The following MAP2 variants were observed in gnomAD, a reference collection of about 807,000 sequenced individuals.
MAP2 encodes the protein microtubule-associated protein 2.
In MAP2, 14 loss-of-function variants were observed where a neutral mutation model predicts 137.6. That is an observed-to-expected ratio of 0.10 (90% CI 0.07 to 0.16). MAP2 has a LOEUF of 0.16. MAP2 is among the 10% of genes least tolerant of loss of function. The pLI is 1.00. For missense variants in MAP2, 2,088 were observed against 2,191.5 expected, an observed-to-expected ratio of 0.95 and a Z score of 0.94; for synonymous variants, 786 against 782.3, an observed-to-expected ratio of 1.00 and a Z score of -0.08.
At chr2:209,612,354 G>A (rs755006326) in intron 3 of MAP2, among the ~76,000 whole-genome samples, 2 of 152,050 alleles carry the variant, frequency 1.3e-5, no homozygotes, top group Non-Finnish European at 2.9e-5. Flanking sequence ...GAAGTCAGGG[G>A]TTAAAAACAT....
intron 2 of MAP2, among the ~76,000 whole-genome samples, chr2:209,550,387 A>G (rs1056252680): frequency 6.6e-6 from 1 of 152,178 alleles, no homozygotes; most frequent in African/African-American, 2.4e-5. Context: ...TTAGTAGTAA[A>G]GAGTCATGAG....
intron 1 of MAP2, among the ~76,000 whole-genome samples, chr2:209,487,039 T>A (rs748089940): frequency 6.6e-6 from 1 of 152,242 alleles, no homozygotes; most frequent in Non-Finnish European, 1.5e-5. Flanking sequence ...GTCCCTTTTA[T>A]GTAACATGAA....
At position 209,733,456 on chromosome 2, in the gene MAP2, T is replaced by G. The variant is rs974443230; in HGVS notation, c.*3059T>G. 3.4e-4 allele frequency: 20 copies of G among 58,900 alleles called. No homozygotes were observed. The highest frequency in any genetic ancestry group is 1.2e-3 in the African/African-American group (19 of 16,274). The allele number at this position is 58,900 out of a possible 1,614,324, so 3.6% of individuals were successfully genotyped here. A position where few individuals can be genotyped will look rare whatever the true frequency, so the allele number is the denominator to read the frequency against. The stretch of plus-strand genomic sequence containing the variant: ...GAAGAATGTACTGATTGTAGTGACC[T>G]TCTCCACACACACACACACACACAC... On this transcript the variant is annotated 3_prime_UTR_variant, in exon 16 of 16. Transcript: ENST00000682079.
chr2:209,575,337 C>G (rs1016297453), intron 2 of MAP2, among the ~76,000 whole-genome samples: 2 of 151,722 alleles, frequency 1.3e-5, no homozygotes, highest in Non-Finnish European at 1.5e-5. Flanking sequence ...CTGGCTAACA[C>G]AGTGAAACCC....
At chr2:209,658,108 A>G (rs910529999) in intron 5 of MAP2, among the ~76,000 whole-genome samples, 1 of 152,214 alleles carries the variant, frequency 6.6e-6, no homozygotes, top group Non-Finnish European at 1.5e-5. Context: ...TTGGGGCCCA[A>G]ACTCGTATTA....
At chr2:209,514,688 C>A (rs1177447219) in intron 2 of MAP2, among the ~76,000 whole-genome samples, 1 of 151,946 alleles carries the variant, frequency 6.6e-6, no homozygotes, top group Non-Finnish European at 1.5e-5. Flanking sequence ...GTAAGAAATT[C>A]TTTATATTCT....
At chr2:209,564,140 G>A (rs1403737115) in intron 2 of MAP2, among the ~76,000 whole-genome samples, 2 of 152,064 alleles carry the variant, frequency 1.3e-5, no homozygotes, top group Admixed American at 6.6e-5. Flanking sequence ...GGGATAATAC[G>A]AAAAGGAAAA....
Position 209,626,902 on chromosome 2 carries a change from C to G in MAP2, c.-30+1773C>G, listed in dbSNP as rs1444549695. Among the ~76,000 whole-genome samples, 4 of 152,158 alleles carry G rather than the reference C, an allele frequency of 2.6e-5. No individual in the cohort carries two copies. In the East Asian group the frequency reaches 5.8e-4, roughly 22 times the overall value. On this transcript the variant is annotated intron_variant, in intron 4 of 15. Coordinates refer to ENST00000682079, the MANE Select transcript of MAP2 (RefSeq NM_001375505.1). ...TAATGTTAAAATGGTTTAAGCATGG[C>G]TTGCAAAACTTATTTGAGATTTATG...
rs772950390 is a variant in MAP2, at chr2:209,693,804, A to G, written c.1634A>G (p.Asp545Gly). ...ELFEMRVDDK[D>G]KIEGVGAATS... is the part of the protein sequence containing the mutation. ...TTTGAAATGAGAGTTGATGACAAAG[A>G]TAAGATTGAAGGAGTTGGAGCTGCA... Residue 545 changes from aspartate to glycine, a missense_variant, in exon 8 of 16, where the codon GAT (aspartate) becomes GGT (glycine). Coordinates refer to ENST00000682079, the MANE Select transcript of MAP2 (RefSeq NM_001375505.1). The G allele has an allele frequency of 3.7e-6, 6 of 1,613,962 alleles. No individual in the cohort carries two copies. In the Admixed American group the frequency reaches 5.0e-5, roughly 13 times the overall value.
chr2:209,633,650 G>T (rs542660248), intron 4 of MAP2, among the ~76,000 whole-genome samples: 2 of 152,164 alleles, frequency 1.3e-5, no homozygotes, highest in African/African-American at 4.8e-5. Context: ...TAGGGAAGGG[G>T]GTTTGTTTTG....
At chr2:209,568,450 T>C (rs2073860901) in intron 2 of MAP2, among the ~76,000 whole-genome samples, 1 of 151,942 alleles carries the variant, frequency 6.6e-6, no homozygotes, top group African/African-American at 2.4e-5. Flanking sequence ...AATAATCTGG[T>C]CATGTTAAGG....
chr2:209,438,781 C>T (rs890012745), intron 1 of MAP2, among the ~76,000 whole-genome samples: 4 of 151,364 alleles, frequency 2.6e-5, no homozygotes, highest in African/African-American at 4.8e-5. Flanking sequence ...AGTAACCTTA[C>T]GATGACACGG....
chr2:209,718,963 G>C (rs1401906155), intron 13 of MAP2, among the ~76,000 whole-genome samples: 1 of 152,050 alleles, frequency 6.6e-6, no homozygotes, highest in Non-Finnish European at 1.5e-5. Flanking sequence ...TTTTACTATA[G>C]GATACTTGAG....
chr2:209,436,030 A>ACAGTATATATTATATATAATATTTACAT (rs1459219355), intron 1 of MAP2, among the ~76,000 whole-genome samples: 1 of 137,330 alleles, frequency 7.3e-6, no homozygotes, highest in Non-Finnish European at 1.6e-5. Context: ...TATAAAATAT[A>ACAGTATATATTATATATAATATTTACAT]TATATATGTA....
Position 209,714,326 on chromosome 2 carries a change from CAGTT to C in MAP2, c.5073+4075_5073+4078del, listed in dbSNP as rs567373722. Among the ~76,000 whole-genome samples, 289 of 152,302 alleles carry C rather than the reference CAGTT, an allele frequency of 1.9e-3. 1 individual carries two copies. The highest frequency in any genetic ancestry group is 6.5e-3 in the African/African-American group (271 of 41,566). ...TTAACTGCTCATTGGATAGGATAGT[CAGTT>C]AGAGCATAATCTCTGCAAGGCCATG... On this transcript the variant is annotated intron_variant, in intron 13 of 15. Coordinates refer to ENST00000682079, the MANE Select transcript of MAP2 (RefSeq NM_001375505.1).
chr2:209,667,136 C>T (rs957662869), intron 5 of MAP2, among the ~76,000 whole-genome samples: 1 of 151,362 alleles, frequency 6.6e-6, no homozygotes, highest in African/African-American at 2.4e-5. Context: ...TTCAGTAAGA[C>T]ACTTTAATTA....
chr2:209,476,529 G>T (rs1305000744), intron 1 of MAP2, among the ~76,000 whole-genome samples: 4 of 152,018 alleles, frequency 2.6e-5, no homozygotes, highest in Admixed American at 2.6e-4. Flanking sequence ...TTCCCTAATG[G>T]TGATTAAAAC....
At chr2:209,426,177 A>C (rs985104845) in intron 1 of MAP2, among the ~76,000 whole-genome samples, 2 of 152,058 alleles carry the variant, frequency 1.3e-5, no homozygotes, top group African/African-American at 2.4e-5. Flanking sequence ...TGGTTTATTT[A>C]ATTTTAATTT....
Position 209,593,723 on chromosome 2 carries a change from A to C in MAP2, c.-107+13623A>C, listed in dbSNP as rs1393345999. ...TATATTATATTTTATATTATATATA[A>C]ATATATAATATAATACATTATATTA... On this transcript the variant is annotated intron_variant, in intron 3 of 15. Transcript: ENST00000682079. Among the ~76,000 whole-genome samples, 257 of 53,268 alleles carry C rather than the reference A, an allele frequency of 4.8e-3. 3 individuals are homozygous for C. Among genetic ancestry groups the C allele is most frequent in the Middle Eastern group, 0.017 (2 of 118 alleles). 34.9% of individuals were successfully genotyped at this position (53,268 alleles called of 152,430 possible).
Sources: allele counts gnomAD v4.1 joint callset (sites outside exome capture counted in the v4.1 genomes callset), GRCh38; gene constraint gnomAD v4.1.1; transcripts MANE v1.5; gene names NCBI Gene and HGNC (gene_info 2026-07-23, HGNC 2026-07-21).